LHFPL2: variants seen among roughly 807,000 people sequenced by gnomAD.
The protein encoded by LHFPL2 is LHFPL tetraspan subfamily member 2.
Under a neutral mutation model 17.5 loss-of-function variants are expected in LHFPL2, and 7 were observed. The ratio of observed to expected loss-of-function variants is 0.40; its 90% CI spans 0.23 to 0.75. The LOEUF is 0.75. LHFPL2 is among the 30% of genes least tolerant of loss of function. The pLI, the probability that LHFPL2 is intolerant of heterozygous loss-of-function variation, is 0.37. For synonymous variants in LHFPL2, 134 were observed against 116.2 expected (o/e 1.15, Z -0.99); for missense variants, 241 against 294.8 (o/e 0.82, Z 1.34).
At chr5:78,548,857 A>G (rs1384733832) in intron 3 of LHFPL2, among the ~76,000 whole-genome samples, 2 of 152,238 alleles carry the variant, frequency 1.3e-5, no homozygotes, top group Admixed American at 6.5e-5. Context: ...CTATCCAGAA[A>G]TTTAGATTTA....
At chr5:78,614,104 C>T (rs1390357931) in intron 2 of LHFPL2, among the ~76,000 whole-genome samples, 1 of 152,170 alleles carries the variant, frequency 6.6e-6, no homozygotes, top group Admixed American at 6.5e-5. Context: ...GGCGCCGATG[C>T]TATGAGAAAC....
intron 3 of LHFPL2, among the ~76,000 whole-genome samples, chr5:78,530,522 C>T (rs1383915865): frequency 1.3e-5 from 2 of 152,200 alleles, no homozygotes; most frequent in African/African-American, 4.8e-5. Context: ...TTCCTCAAAG[C>T]GTCCATCATG....
At chr5:78,505,357 C>G (rs1754900906) in intron 4 of LHFPL2, among the ~76,000 whole-genome samples, 2 of 152,180 alleles carry the variant, frequency 1.3e-5, no homozygotes, top group Admixed American at 1.3e-4. Flanking sequence ...ACTAATCAAC[C>G]TGTGATTTAC....
intron 2 of LHFPL2, among the ~76,000 whole-genome samples, chr5:78,585,923 C>T (rs941857425): frequency 1.3e-5 from 2 of 152,172 alleles, no homozygotes; most frequent in African/African-American, 2.4e-5. Flanking sequence ...AAGCCGTTCA[C>T]GTACTACCTC....
rs114899770 is a variant in LHFPL2 at position 78,600,032 on chromosome 5, A to G, written c.-245+32232T>C. The stretch of plus-strand genomic sequence containing the variant: ...CAGATTAATAATGAACATGCAATAT[A>G]CCCTTCAGAAAGAGCTACTTCCCAA... On this transcript the variant is annotated intron_variant, in intron 2 of 4. Transcript: ENST00000380345. Among the ~76,000 whole-genome samples, 117 of 152,216 alleles carry G rather than the reference A, an allele frequency of 7.7e-4. 2 individuals carry two copies. The highest frequency in any genetic ancestry group is 2.8e-3 in the African/African-American group (115 of 41,524).
intron 2 of LHFPL2, among the ~76,000 whole-genome samples, chr5:78,575,341 G>A (rs394521): frequency 6.6e-6 from 1 of 152,080 alleles, no homozygotes; most frequent in Non-Finnish European, 1.5e-5. Context: ...AAGGTCAGGA[G>A]ATCGAGACCA....
At chr5:78,602,499 T>C (rs1185219267) in intron 2 of LHFPL2, among the ~76,000 whole-genome samples, 4 of 152,214 alleles carry the variant, frequency 2.6e-5, no homozygotes, top group African/African-American at 9.6e-5. Flanking sequence ...GGTTACCACA[T>C]AGACATGATT....
Position 78,487,017 on chromosome 5 carries a change from T to G in LHFPL2, c.*1880A>C, listed in dbSNP as rs1421589783. The stretch of plus-strand genomic sequence containing the variant: ...TCCAGTGGCTCCTCCAGCCTCTTTC[T>G]GTGTGGTGTTAGAGATATGGTTAAG... On this transcript the variant is annotated 3_prime_UTR_variant, in exon 5 of 5. Coordinates refer to ENST00000380345, the MANE Select transcript of LHFPL2 (RefSeq NM_005779.3). 6.6e-6 allele frequency: 1 copy of G among 152,214 alleles called. No homozygotes were observed. Among genetic ancestry groups the G allele is most frequent in the African/African-American group, 2.4e-5 (1 of 41,456 alleles). The allele number at this position is 152,214 out of a possible 1,614,324, so 9.4% of individuals were successfully genotyped here.
chr5:78,561,367 C>T (rs1360155995), intron 3 of LHFPL2, among the ~76,000 whole-genome samples: 1 of 152,194 alleles, frequency 6.6e-6, no homozygotes, highest in Non-Finnish European at 1.5e-5. Flanking sequence ...GGGAGACTAC[C>T]GTATCGGATG....
At chr5:78,605,429 C>T (rs1042251575) in intron 2 of LHFPL2, among the ~76,000 whole-genome samples, 1 of 152,082 alleles carries the variant, frequency 6.6e-6, no homozygotes, top group African/African-American at 2.4e-5. Flanking sequence ...GTTTCATTGG[C>T]GACTCCTCTG....
chr5:78,492,534 C>T (rs1033444076), intron 4 of LHFPL2, among the ~76,000 whole-genome samples: 2 of 152,208 alleles, frequency 1.3e-5, no homozygotes, highest in African/African-American at 4.8e-5. Flanking sequence ...CTTTCCACAG[C>T]GTGCTGAGCC....
intron 4 of LHFPL2, among the ~76,000 whole-genome samples, chr5:78,491,800 G>T (rs1013172632): frequency 1.3e-5 from 2 of 152,152 alleles, no homozygotes; most frequent in African/African-American, 4.8e-5. Flanking sequence ...CCTGAACACA[G>T]GTCAAAAGCC....
chr5:78,579,339 T>G (rs1336402100), intron 2 of LHFPL2, among the ~76,000 whole-genome samples: 1 of 152,086 alleles, frequency 6.6e-6, no homozygotes, highest in Non-Finnish European at 1.5e-5. Context: ...TTGTTGTTTT[T>G]CATTTATTTA....
intron 4 of LHFPL2, among the ~76,000 whole-genome samples, chr5:78,490,871 A>G (rs1460037056): frequency 6.6e-6 from 1 of 152,140 alleles, no homozygotes; most frequent in Non-Finnish European, 1.5e-5. Context: ...CTTTTTAGAT[A>G]CTGGGGAATA....
rs1561382226 is a variant in LHFPL2 at position 78,648,272 on chromosome 5, G to A, written c.-350+227C>T. 6.6e-6 allele frequency among the ~76,000 whole-genome samples: 1 copy of A among 152,196 alleles called. No individual in the cohort carries two copies. The highest frequency in any genetic ancestry group is 1.9e-4 in the East Asian group (1 of 5,168). On this transcript the variant is annotated intron_variant, in intron 1 of 4. Coordinates refer to ENST00000380345, the MANE Select transcript of LHFPL2 (RefSeq NM_005779.3). The surrounding 1 kb of genome is among the most constrained non-coding windows in gnomAD (Gnocchi z 5.4). ...CCGCCGGCGGCGCTGAGAAGCAGCT[G>A]TTCCCTTCCCATTCCCAGCACCCAA...
At chr5:78,510,924 G>A (rs1755100103) in intron 3 of LHFPL2, among the ~76,000 whole-genome samples, 1 of 152,134 alleles carries the variant, frequency 6.6e-6, no homozygotes, top group Non-Finnish European at 1.5e-5. Flanking sequence ...GCAACACCCC[G>A]CTTTTATTTC....
At chr5:78,571,296 T>TGCC (rs1215103862) in intron 2 of LHFPL2, among the ~76,000 whole-genome samples, 3 of 152,156 alleles carry the variant, frequency 2.0e-5, no homozygotes, top group Non-Finnish European at 2.9e-5. Flanking sequence ...CCAGGGCATC[T>TGCC]GCCTCTGTAA....
chr5:78,583,115 T>C (rs967214525), intron 2 of LHFPL2, among the ~76,000 whole-genome samples: 11 of 152,014 alleles, frequency 7.2e-5, no homozygotes, highest in Non-Finnish European at 1.2e-4. Flanking sequence ...CCCTGCCTTT[T>C]TTTGTTTTCC....
chr5:78,592,136 T>C (rs887570302), intron 2 of LHFPL2, among the ~76,000 whole-genome samples: 3 of 152,212 alleles, frequency 2.0e-5, no homozygotes, highest in Non-Finnish European at 4.4e-5. Context: ...ACAAGCAACA[T>C]GGACCTACAA....
Sources: allele counts gnomAD v4.1 joint callset (sites outside exome capture counted in the v4.1 genomes callset), GRCh38; gene constraint gnomAD v4.1.1; non-coding constraint Gnocchi (gnomAD v3.1); transcripts MANE v1.5; gene names NCBI Gene and HGNC (gene_info 2026-07-23, HGNC 2026-07-21).